The following STIM1 variants were observed in gnomAD, a reference collection of about 807,000 sequenced individuals.
STIM1 encodes stromal interaction molecule 1.
In STIM1, 25 loss-of-function variants were observed where a neutral mutation model predicts 74.7. The observed-to-expected ratio is 0.33, with a 90% CI of 0.24 to 0.47. The LOEUF is 0.47. Ranked by LOEUF, STIM1 falls within the 20% of genes least tolerant of loss-of-function variation. The pLI is 1.00. For missense variants in STIM1, 728 were observed against 920.8 expected, an observed-to-expected ratio of 0.79 and a Z score of 2.71; for synonymous variants, 328 against 348.8, an observed-to-expected ratio of 0.94 and a Z score of 0.66.
intron 1 of STIM1, among the ~76,000 whole-genome samples, chr11:3,912,186 C>T (rs1353846267): frequency 5.7e-5 from 6 of 104,648 alleles, no homozygotes; most frequent in Non-Finnish European, 1.2e-4. Flanking sequence ...CCTTTCTCCC[C>T]TCCCCTCCCT....
At chr11:3,899,142 C>T (rs2092275203) in intron 1 of STIM1, among the ~76,000 whole-genome samples, 2 of 152,276 alleles carry the variant, frequency 1.3e-5, no homozygotes, top group East Asian at 1.9e-4. Context: ...TTCTTCCTAC[C>T]CATGAGCATG....
intron 3 of STIM1, among the ~76,000 whole-genome samples, chr11:4,041,089 G>T (rs2094143582): frequency 1.3e-5 from 2 of 152,218 alleles, no homozygotes; most frequent in East Asian, 3.8e-4. Context: ...ACTTTGGAAG[G>T]ATTTGATAGC....
At chr11:3,987,964 T>G (rs566751169) in intron 2 of STIM1, among the ~76,000 whole-genome samples, 12 of 152,296 alleles carry the variant, frequency 7.9e-5, no homozygotes, top group African/African-American at 2.9e-4. Flanking sequence ...TCTTATATTC[T>G]TTGTCCCTAA....
intron 1 of STIM1, among the ~76,000 whole-genome samples, chr11:3,953,775 T>G (rs2093177638): frequency 7.3e-6 from 1 of 137,626 alleles, no homozygotes; most frequent in Non-Finnish European, 1.6e-5. Flanking sequence ...CTTCTTGATC[T>G]TCTTCTTTCT....
intron 2 of STIM1, among the ~76,000 whole-genome samples, chr11:4,007,568 A>G (rs1361464762): frequency 1.3e-5 from 2 of 152,190 alleles, no homozygotes; most frequent in Non-Finnish European, 2.9e-5. Context: ...GGAGATAGAC[A>G]TCTAATAAGA....
chr11:3,875,463 T>A (rs1456862281), intron 1 of STIM1, among the ~76,000 whole-genome samples: 1 of 152,190 alleles, frequency 6.6e-6, no homozygotes, highest in Admixed American at 6.5e-5. Flanking sequence ...CAGTGGCTCA[T>A]GCTTGTAATC....
intron 6 of STIM1, 120 bp from the exon 7 acceptor site, chr11:4,074,382 C>A: frequency 1.7e-6 from 2 of 1,199,010 alleles, no homozygotes; most frequent in Non-Finnish European, 2.4e-6. Flanking sequence ...CACAGCAGAG[C>A]AGGGAGAATA....
chr11:4,015,839 A>G (rs2093891156), intron 2 of STIM1, among the ~76,000 whole-genome samples: 1 of 152,102 alleles, frequency 6.6e-6, no homozygotes, highest in Non-Finnish European at 1.5e-5. Context: ...CAAATCGGCT[A>G]TTGAAGCTTG....
chr11:4,082,482 T>G (rs2094470565), intron 8 of STIM1, 131 bp downstream of exon 8: 1 of 1,013,218 alleles, frequency 9.9e-7, no homozygotes, highest in Non-Finnish European at 1.5e-6. Flanking sequence ...GTGGGTTCTG[T>G]TTCTTTCCTA....
At chr11:3,956,814 C>A (rs936298949) in intron 1 of STIM1, among the ~76,000 whole-genome samples, 45 of 114,136 alleles carry the variant, frequency 3.9e-4, no homozygotes, top group Non-Finnish European at 5.6e-4. Flanking sequence ...CAGAGCAAGA[C>A]CCTGTCTCCA....
chr11:3,859,923 C>CA (rs2090534528), intron 1 of STIM1, among the ~76,000 whole-genome samples: 1 of 152,212 alleles, frequency 6.6e-6, no homozygotes, highest in African/African-American at 2.4e-5. Flanking sequence ...ATTGATTCAG[C>CA]AAACATTGAA....
At chr11:4,005,741 A>T (rs1036549391) in intron 2 of STIM1, among the ~76,000 whole-genome samples, 5 of 152,142 alleles carry the variant, frequency 3.3e-5, no homozygotes, top group Admixed American at 1.3e-4. Flanking sequence ...ATAATAATAA[A>T]AAAGATTATT....
chr11:3,949,320 A>G (rs7924332), intron 1 of STIM1, among the ~76,000 whole-genome samples: 6,303 of 152,280 alleles, frequency 0.041, 408 homozygotes, highest in African/African-American at 0.14. Context: ...TGAGCCTTGC[A>G]TATTTATGGA....
intron 4 of STIM1, among the ~76,000 whole-genome samples, chr11:4,056,532 A>T (rs1351863817): frequency 6.6e-6 from 1 of 152,200 alleles, no homozygotes; most frequent in Non-Finnish European, 1.5e-5. Context: ...GATTATGTAT[A>T]ATCTGTCATC....
chr11:4,020,608 A>T (rs2093946496), intron 2 of STIM1, among the ~76,000 whole-genome samples: 1 of 150,268 alleles, frequency 6.7e-6, no homozygotes, highest in African/African-American at 2.5e-5. Context: ...TTTTTCTCTG[A>T]GACAAGGTCT....
intron 3 of STIM1, among the ~76,000 whole-genome samples, chr11:4,024,263 A>T (rs533329255): frequency 1.2e-3 from 183 of 152,204 alleles, no homozygotes; most frequent in Non-Finnish European, 2.1e-3. Context: ...TGGCATAGGA[A>T]TCTTCCAGGT....
chr11:3,868,771 C>A (rs1022987290), intron 1 of STIM1, among the ~76,000 whole-genome samples: 1 of 152,100 alleles, frequency 6.6e-6, no homozygotes, highest in Non-Finnish European at 1.5e-5. Context: ...TTCAACTGTT[C>A]TGAATTTAAG....
intron 1 of STIM1, among the ~76,000 whole-genome samples, chr11:3,885,800 G>C (rs886163929): frequency 1.3e-5 from 2 of 152,032 alleles, no homozygotes; most frequent in African/African-American, 4.8e-5. Context: ...ACCACACCTG[G>C]CTAATTTCTC....
At chr11:4,067,783 C>T (rs577823256) in intron 5 of STIM1, among the ~76,000 whole-genome samples, 3 of 152,222 alleles carry the variant, frequency 2.0e-5, no homozygotes, top group South Asian at 4.1e-4. Context: ...CTTTCTTATA[C>T]GGATTAAGGG....
Sources: gnomAD v4.1 joint callset for allele counts (sites outside exome capture counted in the v4.1 genomes callset) on GRCh38, gnomAD v4.1.1 for gene constraint, MANE v1.5 for transcripts, NCBI Gene and HGNC (gene_info 2026-07-23, HGNC 2026-07-21) for gene names.